The following MYO15A variants were observed in gnomAD, a reference collection of about 807,000 sequenced individuals.
The protein encoded by MYO15A is myosin XVA, also known as unconventional myosin-XV.
Under a neutral mutation model 394.6 loss-of-function variants are expected in MYO15A, and 308 were observed. That is an observed-to-expected ratio of 0.78 (90% CI 0.71 to 0.86). The LOEUF (loss-of-function observed/expected upper bound fraction) is 0.86, where lower values mean the gene tolerates loss of function less well. MYO15A is among the 40% of genes least tolerant of loss of function. The probability of loss-of-function intolerance (pLI) is 0.00; values close to 1 mark genes in which losing one functional copy is unlikely to be tolerated. For synonymous variants in MYO15A, 1,957 were observed against 2,003.8 expected (o/e 0.98, Z 0.62); for missense variants, 4,606 against 4,799.1 (o/e 0.96, Z 1.19).
intron 64 of MYO15A, 71 bp downstream of exon 64, chr17:18,172,361 C>T: frequency 1.2e-6 from 2 of 1,608,318 alleles, no homozygotes; most frequent in Non-Finnish European, 1.7e-6. Context: ...TCCAAGAGGC[C>T]AAGACCTCCA....
chr17:18,122,727 T>C, intron 2 of MYO15A: 1 of 331,772 alleles, frequency 3.0e-6, no homozygotes, highest in Non-Finnish European at 5.5e-6. Flanking sequence ...ATGACAGGTC[T>C]GGCCCCTAAC....
rs1160848258 is a variant in MYO15A, at chr17:18,136,450, A to G, written c.4630A>G (p.Thr1544Ala). ...GCGAGAGAAGATCTTCACGCCCCTAACTGTGGAGAGCGCTGTGGATGCCAG... is the reference window on the plus strand; with the variant it reads ...GCGAGAGAAGATCTTCACGCCCCTAGCTGTGGAGAGCGCTGTGGATGCCAG... ...TMREKIFTPL[T>A]VESAVDARDA... The change falls in exon 14 of 66, where the codon ACT becomes GCT. Residue 1544 changes from threonine to alanine, a missense_variant. Thr to Ala is a moderately conservative substitution (Grantham distance 58, BLOSUM62 0). Coordinates refer to ENST00000647165, the MANE Select transcript of MYO15A (RefSeq NM_016239.4). 2 of 1,613,624 alleles carry G rather than the reference A, an allele frequency of 1.2e-6. No homozygotes were observed. Among genetic ancestry groups the G allele is most frequent in the Non-Finnish European group, 8.5e-7 (1 of 1,179,994 alleles).
intron 62 of MYO15A, among the ~76,000 whole-genome samples, chr17:18,170,240 C>T (rs1293285703): frequency 6.6e-6 from 1 of 151,928 alleles, no homozygotes; most frequent in Non-Finnish European, 1.5e-5. Flanking sequence ...TTTGAGAACC[C>T]CTGGAAAAAC....
chr17:18,142,626 G>A lies in MYO15A; in HGVS notation c.5826-130G>A, dbSNP rs957079769. The A allele has an allele frequency of 3.8e-6, 3 of 795,332 alleles. No individual in the cohort carries two copies. The Admixed American group carries it at 6.1e-5, about 16-fold the overall frequency. The allele number at this position is 795,332 out of a possible 1,614,324, so 49.3% of individuals were successfully genotyped here. On this transcript the variant is annotated intron_variant, in intron 24 of 65. Coordinates refer to ENST00000647165, the MANE Select transcript of MYO15A (RefSeq NM_016239.4). Reference sequence around the variant, plus strand: ...CCTCTCTGAGCTCCAGTTTCCCTTTGAGCCAAAGGACCCCAAAAGTGAGAT... The same window carrying A: ...CCTCTCTGAGCTCCAGTTTCCCTTTAAGCCAAAGGACCCCAAAAGTGAGAT...
At chr17:18,118,421 T>A (rs2045822549) in intron 1 of MYO15A, among the ~76,000 whole-genome samples, 161 bp from the exon 2 acceptor site, 1 of 152,194 alleles carries the variant, frequency 6.6e-6, no homozygotes, top group Admixed American at 6.5e-5. Context: ...GCTCCCTTCA[T>A]GGGGTTGAGC....
chr17:18,155,260 A>G, intron 46 of MYO15A, 35 bp downstream of exon 46: 1 of 1,613,684 alleles, frequency 6.2e-7, no homozygotes, highest in Non-Finnish European at 8.5e-7. Flanking sequence ...ACCTGTCCAG[A>G]GGATTCAGGG....
chr17:18,157,003 C>T lies in MYO15A; in HGVS notation c.8651C>T (p.Ala2884Val), dbSNP rs199864860. Reference sequence around the variant, plus strand: ...AGGAACTTCCTGCCTGAGGACCCTGCGCTGCTGGCTTTCCACAAGGGTGAC... The same window carrying T: ...AGGAACTTCCTGCCTGAGGACCCTGTGCTGCTGGCTTTCCACAAGGGTGAC... ...AVRNFLPEDPALLAFHKGDII... is the reference protein window; with the variant it reads ...AVRNFLPEDPVLLAFHKGDII... The change falls in exon 49 of 66, where the codon GCG (alanine) becomes GTG (valine). Residue 2884 changes from alanine (A) to valine (V), a missense_variant. This residue lies in a region of MYO15A where 2,776 missense variants were observed against 3,109.3 expected (regional missense o/e 0.89). Coordinates refer to ENST00000647165, the MANE Select transcript of MYO15A (RefSeq NM_016239.4). 1.5e-5 allele frequency: 25 copies of T among 1,614,170 alleles called. No homozygotes were observed. Among genetic ancestry groups the T allele is most frequent in the African/African-American group, 6.7e-5 (5 of 75,054 alleles).
In MYO15A at chr17:18,133,271, G is replaced by C. The variant is rs1437653270; in HGVS notation, c.4367G>C (p.Arg1456Pro). Reference sequence around the variant, plus strand: ...GGAAAGAGCGATGCAGATGACTTTCGCCGGCTCCTGGCTGCCATGGAGGTG... The same window carrying C: ...GGAAAGAGCGATGCAGATGACTTTCCCCGGCTCCTGGCTGCCATGGAGGTG... Reference protein sequence around the residue: ...IAGKSDADDFRRLLAAMEVLG... With the variant: ...IAGKSDADDFPRLLAAMEVLG... Residue 1456 changes from arginine (R) to proline (P), a missense_variant, in exon 12 of 66, where the codon CGC becomes CCC. Coordinates refer to ENST00000647165, the MANE Select transcript of MYO15A (RefSeq NM_016239.4). 1 of 1,614,016 alleles carries C rather than the reference G, an allele frequency of 6.2e-7. No homozygotes were observed. The highest frequency in any genetic ancestry group is 1.3e-5 in the African/African-American group (1 of 74,916).
At position 18,142,199 on chromosome 17, in the gene MYO15A, T is replaced by C; in HGVS notation, c.5770T>C (p.Ser1924Pro). Reference protein sequence around the residue: ...RGFFIKRRFRSLRHKIILLQS... With the variant: ...RGFFIKRRFRPLRHKIILLQS... ...CTTCTTCATTAAGCGGCGATTCCGC[T>C]CTCTGCGCCACAAGATCATCCTGCT... The change falls in exon 24 of 66, where the codon TCT (serine) becomes CCT (proline). Residue 1924 changes from serine (S) to proline (P), a missense_variant. Physicochemically the swap from Ser to Pro is moderately conservative, Grantham distance 74 (BLOSUM62 -1). Transcript: ENST00000647165. 6.2e-7 allele frequency: 1 copy of C among 1,613,700 alleles called. No homozygotes were observed. Among genetic ancestry groups the C allele is most frequent in the South Asian group, 1.1e-5 (1 of 91,066 alleles).
chr17:18,158,953 C>T lies in MYO15A; in HGVS notation c.9112C>T (p.Pro3038Ser), dbSNP rs1160940008. 3.7e-6 allele frequency: 6 copies of T among 1,614,146 alleles called. No individual in the cohort carries two copies. Among genetic ancestry groups the T allele is most frequent in the Non-Finnish European group, 2.5e-6 (3 of 1,179,974 alleles). ...QDGLRLKSKE[P>S]RESRTLEDML... ...TGGCCTCAGGCTGAAATCCAAGGAG[C>T]CTCGGGAGTCCAGAACCTTGGAGGA... Residue 3038 changes from proline (P) to serine (S), a missense_variant, in exon 53 of 66, where the codon CCT (proline) becomes TCT (serine). By Grantham distance (74) the Pro-to-Ser change is moderately conservative. Around this residue, in one of 2 missense-constraint regions of MYO15A, gnomAD observed 2,776 missense variants for 3,109.3 expected, o/e 0.89. Transcript: ENST00000647165.
In MYO15A at chr17:18,148,508, C is replaced by T; in HGVS notation, c.6704C>T (p.Ser2235Phe). The T allele has an allele frequency of 6.4e-7, 1 of 1,552,604 alleles. No individual in the cohort carries two copies. Among genetic ancestry groups the T allele is most frequent in the Non-Finnish European group, 8.7e-7 (1 of 1,147,432 alleles). ...DVGCFNGDQF[S>F]CPVHSWSTGE... ...TGCTGCGCCCCAGGTGACCAGTTCT[C>T]CTGCCCGGTGCACTCCTGGAGTACG... Residue 2235 changes from serine (S) to phenylalanine (F), a missense_variant, in exon 32 of 66, where the codon TCC (serine) becomes TTC (phenylalanine). Physicochemically the swap from Ser to Phe is radical, Grantham distance 155 (BLOSUM62 -2). Transcript: ENST00000647165. This position sits in a 1 kb window ranked among gnomAD's most constrained non-coding sequence, Gnocchi z 4.8.
intron 2 of MYO15A, chr17:18,123,347 TA>T (rs1270043788): frequency 6.6e-6 from 1 of 152,284 alleles, no homozygotes; most frequent in Non-Finnish European, 1.5e-5. Context: ...GCAGGGCGTC[TA>T]GGGGTGAGGG....
chr17:18,148,482 C>T lies in MYO15A; in HGVS notation c.6692-14C>T, dbSNP rs1450112644. On this transcript the variant is annotated splice_polypyrimidine_tract_variant and intron_variant, in intron 31 of 65. Transcript: ENST00000647165. This position sits in a 1 kb window ranked among gnomAD's most constrained non-coding sequence, Gnocchi z 4.8. The stretch of plus-strand genomic sequence containing the variant: ...AGATGCTCCAACCTGAGCCCGGCAC[C>T]TGCTGCGCCCCAGGTGACCAGTTCT... 9 of 1,551,868 alleles carry T rather than the reference C, an allele frequency of 5.8e-6. No homozygotes were observed. The highest frequency in any genetic ancestry group is 3.9e-5 in the Admixed American group (2 of 51,094).
Position 18,154,750 on chromosome 17 carries a change from T to C in MYO15A, c.8219T>C (p.Leu2740Ser), listed in dbSNP as rs1368807516. 1.9e-5 allele frequency: 31 copies of C among 1,613,508 alleles called. No homozygotes were observed. The highest frequency in any genetic ancestry group is 2.5e-5 in the Non-Finnish European group (30 of 1,179,952). The change falls in exon 45 of 66, where the codon TTG (leucine) becomes TCG (serine). Residue 2740 changes from leucine (L) to serine (S), a missense_variant. By Grantham distance (145) the Leu-to-Ser change is moderately radical. Coordinates refer to ENST00000647165, the MANE Select transcript of MYO15A (RefSeq NM_016239.4). ...GATGAGAGGCTCAGGATGAAGGCCT[T>C]GTTTGGTATCTCGGGGGAGAGGAGG... is the stretch of plus-strand genomic sequence containing the variant. ...SEDERLRMKA[L>S]FAQNQLDTQK...
In MYO15A at chr17:18,121,245, C is replaced by T. The variant is rs1288382132; in HGVS notation, c.2445C>T (p.Arg815=). Residue 815 remains arginine, a synonymous_variant, in exon 2 of 66, where the codon CGC becomes CGT. Transcript: ENST00000647165. The surrounding 1 kb of genome is among the most constrained non-coding windows in gnomAD (Gnocchi z 5.3). ...PFQPPFLPPA[R]RPRSLQESPA... ...AGCCGCCCTTCCTGCCCCCGGCCCG[C>T]CGGCCCCGCTCGCTGCAGGAGTCCC... 3 of 1,475,036 alleles carry T rather than the reference C, an allele frequency of 2.0e-6. No individual in the cohort carries two copies. Among genetic ancestry groups the T allele is most frequent in the Admixed American group, 2.2e-5 (1 of 45,082 alleles). 91.4% of individuals were successfully genotyped at this position (1,475,036 alleles called of 1,614,324 possible).
At chr17:18,140,387 C>A in intron 19 of MYO15A, 130 bp from the exon 20 acceptor site, 2 of 1,294,732 alleles carry the variant, frequency 1.5e-6, no homozygotes, top group Non-Finnish European at 2.2e-6. Context: ...AGAGGCCTTG[C>A]AGAGAGAACA....
Position 18,122,083 on chromosome 17 carries a change from A to C in MYO15A, c.3283A>C (p.Arg1095=), listed in dbSNP as rs1381002649. ...PQAAAPLAPI[R]APEPLPKGGE... ...AGCCGCAGCCCCCTTGGCGCCCATC[A>C]GGGCCCCAGAGCCCCTGCCCAAGGG... The change falls in exon 2 of 66, where the codon AGG becomes CGG. Residue 1095 remains arginine, a synonymous_variant. Transcript: ENST00000647165. 8 of 1,612,656 alleles carry C rather than the reference A, an allele frequency of 5.0e-6. No homozygotes were observed. Among genetic ancestry groups the C allele is most frequent in the African/African-American group, 1.3e-5 (1 of 74,934 alleles).
chr17:18,157,891 C>T lies in MYO15A; in HGVS notation c.8958C>T (p.Arg2986=). ...CAGCCGCTGCACAGGAGGTGGGCCGCAGGAGAGAGGTGAGACCAGTGTGGG... is the reference window on the plus strand; with the variant it reads ...CAGCCGCTGCACAGGAGGTGGGCCGTAGGAGAGAGGTGAGACCAGTGTGGG... ...ASAAAAQEVG[R]RREGPPVRAR... The change falls in exon 51 of 66, where the codon CGC becomes CGT. Residue 2986 remains arginine (R), a synonymous_variant. Transcript: ENST00000647165. The T allele has an allele frequency of 8.5e-7, 1 of 1,176,288 alleles. No homozygotes were observed. 72.9% of individuals were successfully genotyped at this position (1,176,288 alleles called of 1,614,324 possible).
chr17:18,177,485 A>G (rs186852679), intron 65 of MYO15A: 1 of 152,366 alleles, frequency 6.6e-6, no homozygotes. Context: ...GGCCTAGAAC[A>G]TGGCAGCATG....
Sources: gnomAD v4.1 joint callset for allele counts (sites outside exome capture counted in the v4.1 genomes callset) on GRCh38, gnomAD v4.1.1 for gene constraint, gnomAD v4.1.1 regional missense constraint, Gnocchi (gnomAD v3.1) non-coding constraint, MANE v1.5 for transcripts, NCBI Gene and HGNC (gene_info 2026-07-23, HGNC 2026-07-21) for gene names.